Variants in KCNQ5 observed in about 807,000 individuals in gnomAD.
The protein encoded by KCNQ5 is potassium voltage-gated channel subfamily KQT member 5.
Under a neutral mutation model 98.2 loss-of-function variants are expected in KCNQ5, and 30 were observed. The ratio of observed to expected loss-of-function variants is 0.31; its 90% CI spans 0.23 to 0.41. The LOEUF (loss-of-function observed/expected upper bound fraction) is 0.41. Ranked by LOEUF, KCNQ5 falls within the 10% of genes least tolerant of loss-of-function variation. The pLI is 1.00. For missense variants in KCNQ5, 835 were observed against 1,182.5 expected (o/e 0.71, Z 4.31); for synonymous variants, 458 against 449.4 (o/e 1.02, Z -0.24).
chr6:72,765,550 A>G (rs1205393273), intron 1 of KCNQ5, among the ~76,000 whole-genome samples: 18 of 151,994 alleles, frequency 1.2e-4, no homozygotes, highest in Non-Finnish European at 2.5e-4. Context: ...AAGAGGGACC[A>G]GATATTATCA....
chr6:73,149,657 C>T (rs564379562), intron 10 of KCNQ5, among the ~76,000 whole-genome samples: 9 of 152,082 alleles, frequency 5.9e-5, no homozygotes, highest in South Asian at 2.1e-4. Context: ...ATTAGCTGGG[C>T]GATGTGGCAG....
At chr6:72,669,377 G>C (rs770277540) in intron 1 of KCNQ5, among the ~76,000 whole-genome samples, 8 of 152,160 alleles carry the variant, frequency 5.3e-5, no homozygotes, top group Non-Finnish European at 1.0e-4. Context: ...CAATCTTAAG[G>C]TTGGAGAATA....
At chr6:73,093,539 T>C (rs1163541814) in intron 5 of KCNQ5, among the ~76,000 whole-genome samples, 1 of 152,176 alleles carries the variant, frequency 6.6e-6, no homozygotes, top group Non-Finnish European at 1.5e-5. Flanking sequence ...GATGTAGGCA[T>C]TTATGGCTAT....
At chr6:72,865,108 T>C (rs1581922840) in intron 1 of KCNQ5, among the ~76,000 whole-genome samples, 1 of 152,208 alleles carries the variant, frequency 6.6e-6, no homozygotes, top group African/African-American at 2.4e-5. Flanking sequence ...TAATCCTCAC[T>C]TGGAAAATGA....
At chr6:73,099,713 A>G (rs2150413612) in intron 5 of KCNQ5, among the ~76,000 whole-genome samples, 1 of 152,298 alleles carries the variant, frequency 6.6e-6, no homozygotes, top group Non-Finnish European at 1.5e-5. Context: ...AGAGAGACAT[A>G]CCCCAAGTCA....
chr6:72,922,773 G>A (rs1780459087), intron 1 of KCNQ5, among the ~76,000 whole-genome samples: 1 of 148,234 alleles, frequency 6.7e-6, no homozygotes, highest in African/African-American at 2.5e-5. Context: ...ATTTCATTGG[G>A]TATATAGGAC....
intron 1 of KCNQ5, among the ~76,000 whole-genome samples, chr6:72,636,680 C>T (rs970266406): frequency 2.6e-5 from 4 of 152,114 alleles, no homozygotes; most frequent in African/African-American, 9.7e-5. Context: ...GTTTAATAAC[C>T]TGACCTCTTG....
chr6:72,669,972 TC>T (rs1767019436), intron 1 of KCNQ5, among the ~76,000 whole-genome samples: 1 of 151,548 alleles, frequency 6.6e-6, no homozygotes, highest in Admixed American at 6.6e-5. Flanking sequence ...CAGTTCTGGT[TC>T]CTTTATACTT....
At chr6:72,817,014 T>C (rs1352674041) in intron 1 of KCNQ5, among the ~76,000 whole-genome samples, 1 of 152,226 alleles carries the variant, frequency 6.6e-6, no homozygotes, top group Non-Finnish European at 1.5e-5. Context: ...TTTGGGGTGT[T>C]GTCCAGGGAC....
chr6:72,979,715 A>G (rs928189112), intron 1 of KCNQ5, among the ~76,000 whole-genome samples: 1 of 152,116 alleles, frequency 6.6e-6, no homozygotes, highest in Non-Finnish European at 1.5e-5. Flanking sequence ...TTCTGTTGCC[A>G]TTGCTTTTGA....
intron 1 of KCNQ5, among the ~76,000 whole-genome samples, chr6:72,772,306 T>A (rs961705246): frequency 2.0e-5 from 3 of 152,142 alleles, no homozygotes; most frequent in Non-Finnish European, 2.9e-5. Flanking sequence ...TAGCCTCTAA[T>A]AGCCTATTTT....
intron 5 of KCNQ5, among the ~76,000 whole-genome samples, chr6:73,103,911 C>T (rs9350489): frequency 0.74 from 111,796 of 152,020 alleles, 45,948 homozygotes; most frequent in South Asian, 0.94. Context: ...GATGGATACC[C>T]CTTTTACCCT....
chr6:73,039,714 ATTTG>A (rs1393413353), intron 2 of KCNQ5, among the ~76,000 whole-genome samples: 3 of 152,112 alleles, frequency 2.0e-5, no homozygotes, highest in Non-Finnish European at 2.9e-5. Flanking sequence ...ACTTGTTGAA[ATTTG>A]TTTATGACCC....
intron 9 of KCNQ5, among the ~76,000 whole-genome samples, chr6:73,128,477 T>C (rs1043143127): frequency 6.6e-6 from 1 of 152,266 alleles, no homozygotes; most frequent in African/African-American, 2.4e-5. Context: ...GCCAATATTC[T>C]CACCTTGAGG....
intron 7 of KCNQ5, among the ~76,000 whole-genome samples, chr6:73,116,742 G>T (rs1169704240): frequency 1.3e-5 from 2 of 152,116 alleles, no homozygotes; most frequent in African/African-American, 4.8e-5. Flanking sequence ...AATTGAAGGG[G>T]TTGCCTCTGA....
intron 1 of KCNQ5, among the ~76,000 whole-genome samples, chr6:72,658,733 A>G (rs1197239137): frequency 6.6e-6 from 1 of 151,454 alleles, no homozygotes; most frequent in African/African-American, 2.4e-5. Context: ...GGCATGTGCC[A>G]CCATGCCCGG....
intron 5 of KCNQ5, among the ~76,000 whole-genome samples, chr6:73,086,476 C>T (rs1048359100): frequency 6.6e-6 from 1 of 152,170 alleles, no homozygotes; most frequent in Non-Finnish European, 1.5e-5. Context: ...CTTCCCTCTT[C>T]AGTCTCACCC....
At chr6:73,114,858 C>G (rs1326007569) in intron 7 of KCNQ5, among the ~76,000 whole-genome samples, 4 of 152,102 alleles carry the variant, frequency 2.6e-5, no homozygotes, top group Admixed American at 1.3e-4. Flanking sequence ...GCCAACTGAC[C>G]CAAAAGAAAA....
intron 1 of KCNQ5, among the ~76,000 whole-genome samples, chr6:72,979,511 T>C (rs1768327914): frequency 6.6e-6 from 1 of 152,252 alleles, no homozygotes; most frequent in African/African-American, 2.4e-5. Flanking sequence ...TGCCCACTTC[T>C]TGATGGGGTT....
Sources: gnomAD v4.1 joint callset for allele counts (sites outside exome capture counted in the v4.1 genomes callset) on GRCh38, gnomAD v4.1.1 for gene constraint, MANE v1.5 for transcripts, NCBI Gene and HGNC (gene_info 2026-07-23, HGNC 2026-07-21) for gene names.